ADAM22: variants seen among roughly 807,000 people sequenced by gnomAD.
ADAM22 encodes the protein disintegrin and metalloproteinase domain-containing protein 22.
In ADAM22, 65 loss-of-function variants were observed where a neutral mutation model predicts 144.6. That is an observed-to-expected ratio of 0.45 (90% confidence interval 0.37 to 0.55). The LOEUF (loss-of-function observed/expected upper bound fraction) is 0.55, where lower values mean the gene tolerates loss of function less well. ADAM22 is among the 20% of genes least tolerant of loss of function. The pLI is 0.00. For synonymous variants in ADAM22, 391 were observed against 412.6 expected (o/e 0.95, Z 0.63); for missense variants, 974 against 1,184.9 (o/e 0.82, Z 2.61).
chr7:88,162,006 G>A (rs1442585522), intron 22 of ADAM22, among the ~76,000 whole-genome samples: 6 of 151,452 alleles, frequency 4.0e-5, no homozygotes, highest in South Asian at 2.1e-4. Flanking sequence ...ACAGGCACAC[G>A]TATGTTCATT....
At chr7:88,168,428 C>G in intron 25 of ADAM22, 1 of 619,478 alleles carries the variant, frequency 1.6e-6, no homozygotes, top group South Asian at 1.5e-5. Context: ...GAGACAACTT[C>G]CTTCTATTGT....
At chr7:88,166,022 A>G in intron 24 of ADAM22, 76 bp downstream of exon 24, 2 of 1,011,542 alleles carry the variant, frequency 2.0e-6, no homozygotes, top group Non-Finnish European at 2.8e-6. Flanking sequence ...CTTTTATTTG[A>G]GTTATTTTTA....
intron 3 of ADAM22, among the ~76,000 whole-genome samples, chr7:88,030,446 A>T (rs1799972476): frequency 6.6e-6 from 1 of 152,118 alleles, no homozygotes; most frequent in Non-Finnish European, 1.5e-5. Flanking sequence ...CTGAAAAGTC[A>T]CATATCTCTC....
intron 3 of ADAM22, among the ~76,000 whole-genome samples, chr7:88,037,123 A>T (rs1801703428): frequency 6.6e-6 from 1 of 152,114 alleles, no homozygotes; most frequent in East Asian, 1.9e-4. Context: ...TTATGAACAT[A>T]TTTGCGCAGT....
intron 7 of ADAM22, among the ~76,000 whole-genome samples, chr7:88,119,262 G>A (rs1828621826): frequency 6.6e-6 from 1 of 152,174 alleles, no homozygotes; most frequent in African/African-American, 2.4e-5. Context: ...CACTCTTGTT[G>A]AGAGATAGAG....
At chr7:88,194,449 A>C (rs1009567829) in intron 31 of ADAM22, among the ~76,000 whole-genome samples, 1 of 152,238 alleles carries the variant, frequency 6.6e-6, no homozygotes, top group South Asian at 2.1e-4. Context: ...GCAGAATCCT[A>C]CCAAATACAC....
Position 88,108,235 on chromosome 7 carries a change from A to G in ADAM22, c.450A>G (p.Ala150=), listed in dbSNP as rs1003657931. The G allele has an allele frequency of 9.9e-6, 16 of 1,613,564 alleles. No individual in the cohort carries two copies. The highest frequency in any genetic ancestry group is 1.3e-5 in the African/African-American group (1 of 74,904). The change falls in exon 5 of 32, where the codon GCA becomes GCG. Residue 150 remains alanine, a synonymous_variant. Coordinates refer to ENST00000413139, the MANE Select transcript of ADAM22 (RefSeq NM_001324418.2). ...GAGGAAACCCTGACTCATTTGTTGC[A>G]TTGTCAACATGCCACGGACTTCAGT... ...HIRGNPDSFV[A]LSTCHGLHGM...
chr7:88,049,596 C>T (rs1023859758), intron 3 of ADAM22, among the ~76,000 whole-genome samples: 38 of 152,128 alleles, frequency 2.5e-4, no homozygotes, highest in Non-Finnish European at 2.1e-4. Context: ...CAGGGTTTCT[C>T]CATGTTGGTC....
intron 7 of ADAM22, among the ~76,000 whole-genome samples, chr7:88,122,444 A>T (rs895909856): frequency 2.6e-5 from 4 of 152,184 alleles, no homozygotes; most frequent in Non-Finnish European, 5.9e-5. Flanking sequence ...GGTGGAGACT[A>T]TTAGAGGTCA....
intron 3 of ADAM22, among the ~76,000 whole-genome samples, chr7:88,002,406 C>T (rs1016532455): frequency 9.2e-5 from 14 of 152,240 alleles, no homozygotes; most frequent in South Asian, 8.3e-4. Flanking sequence ...GGTGCACGCA[C>T]ACTGGGAGCT....
intron 3 of ADAM22, among the ~76,000 whole-genome samples, chr7:87,978,629 T>C (rs1435461188): frequency 6.6e-6 from 1 of 152,226 alleles, no homozygotes. Context: ...GAGTTAAGAA[T>C]GTAAAATGAA....
At position 88,163,072 on chromosome 7, in the gene ADAM22, T is replaced by C. The variant is rs1269375376; in HGVS notation, c.1968T>C (p.Pro656=). 3 of 1,611,418 alleles carry C rather than the reference T, an allele frequency of 1.9e-6. No homozygotes were observed. The highest frequency in any genetic ancestry group is 2.2e-5 in the East Asian group (1 of 44,742). The part of the protein sequence containing the change: ...VDLGYVEDGT[P]CGPQMMCLEH... Reference sequence around the variant, plus strand: ...TTGGCTATGTGGAAGATGGGACACCTTGTGGTCCCCAAATGATGTGCTTAG... The same window carrying C: ...TTGGCTATGTGGAAGATGGGACACCCTGTGGTCCCCAAATGATGTGCTTAG... The change falls in exon 23 of 32, where the codon CCT becomes CCC. Residue 656 remains proline (P), a synonymous_variant. Coordinates refer to ENST00000413139, the MANE Select transcript of ADAM22 (RefSeq NM_001324418.2).
chr7:88,155,904 A>G lies in ADAM22; in HGVS notation c.1805A>G (p.Tyr602Cys), dbSNP rs1156708384. ...TGATACAGGGATGTGCTTTGTGGTT[A>G]CCTTTTGTGTACCAATATTGGCAAT... ...QCNKRDVLCG[Y>C]LLCTNIGNIP... is the part of the protein sequence containing the mutation. Residue 602 changes from tyrosine (Y) to cysteine (C), a missense_variant, in exon 22 of 32, where the codon TAC becomes TGC. Physicochemically the swap from Tyr to Cys is radical, Grantham distance 194. Coordinates refer to ENST00000413139, the MANE Select transcript of ADAM22 (RefSeq NM_001324418.2). 1 of 1,613,244 alleles carries G rather than the reference A, an allele frequency of 6.2e-7. No homozygotes were observed. Among genetic ancestry groups the G allele is most frequent in the South Asian group, 1.1e-5 (1 of 91,016 alleles).
intron 3 of ADAM22, among the ~76,000 whole-genome samples, chr7:88,011,527 G>T (rs1467179442): frequency 3.4e-5 from 5 of 148,238 alleles, no homozygotes. Flanking sequence ...GTGACAGAGC[G>T]AGACTCAATC....
chr7:88,018,359 A>T (rs1451977550), intron 3 of ADAM22, among the ~76,000 whole-genome samples: 5 of 152,160 alleles, frequency 3.3e-5, no homozygotes, highest in African/African-American at 1.2e-4. Flanking sequence ...AATAACAATT[A>T]AAAAGGAGTG....
At chr7:88,058,905 A>G (rs1303322151) in intron 3 of ADAM22, among the ~76,000 whole-genome samples, 3 of 152,186 alleles carry the variant, frequency 2.0e-5, no homozygotes, top group East Asian at 3.8e-4. Flanking sequence ...AGTTTCAGTA[A>G]CCAGGGATAT....
At chr7:88,094,518 A>G (rs1253437728) in intron 4 of ADAM22, among the ~76,000 whole-genome samples, 1 of 152,226 alleles carries the variant, frequency 6.6e-6, no homozygotes, top group Non-Finnish European at 1.5e-5. Flanking sequence ...GTATTTGACC[A>G]GAGCCTCAAC....
chr7:87,995,118 G>C (rs984928219), intron 3 of ADAM22, among the ~76,000 whole-genome samples: 4 of 152,140 alleles, frequency 2.6e-5, no homozygotes, highest in Non-Finnish European at 5.9e-5. Flanking sequence ...GCGTTAACTG[G>C]TAACACATAG....
chr7:88,075,053 A>G (rs1813902871), intron 3 of ADAM22, among the ~76,000 whole-genome samples: 2 of 152,190 alleles, frequency 1.3e-5, no homozygotes, highest in South Asian at 4.1e-4. Context: ...TTTCATATAT[A>G]TGAAATTAAA....
Sources: allele counts gnomAD v4.1 joint callset (sites outside exome capture counted in the v4.1 genomes callset), GRCh38; gene constraint gnomAD v4.1.1; transcripts MANE v1.5; gene names NCBI Gene and HGNC (gene_info 2026-07-23, HGNC 2026-07-21).